The following FAM47E variants were observed in gnomAD, a reference collection of about 807,000 sequenced individuals.
FAM47E encodes the protein family with sequence similarity 47 member E.
In FAM47E, 32 loss-of-function variants were observed where a neutral mutation model predicts 41.6. That is an observed-to-expected ratio of 0.77 (90% confidence interval 0.58 to 1.03). FAM47E has a LOEUF of 1.03. Among genes scored for constraint, FAM47E ranks in the 50% least tolerant of loss-of-function variants. The probability of loss-of-function intolerance (pLI) is 0.00; values close to 1 mark genes in which losing one functional copy is unlikely to be tolerated. For synonymous variants in FAM47E, 184 were observed against 188.7 expected (o/e 0.98, Z 0.20); for missense variants, 424 against 485.4 (o/e 0.87, Z 1.19).
intron 3 of FAM47E, among the ~76,000 whole-genome samples, chr4:76,265,199 T>C (rs963787381): frequency 6.6e-6 from 1 of 152,236 alleles, no homozygotes; most frequent in African/African-American, 2.4e-5. Context: ...GAAGGGTAAC[T>C]GGACGTGCTT....
intron 5 of FAM47E, among the ~76,000 whole-genome samples, chr4:76,276,103 A>G (rs1735097165): frequency 6.6e-6 from 1 of 151,860 alleles, no homozygotes; most frequent in Non-Finnish European, 1.5e-5. Context: ...CTCCAGTACC[A>G]AATGTCAATA....
chr4:76,237,719 T>A (rs1176022746), intron 2 of FAM47E, among the ~76,000 whole-genome samples: 1 of 151,984 alleles, frequency 6.6e-6, no homozygotes, highest in African/African-American at 2.4e-5. Context: ...AAACTCACAG[T>A]CATGACAGAA....
At chr4:76,248,412 C>G (rs1043184138), upstream of FAM47E, among the ~76,000 whole-genome samples, 8 of 152,016 alleles carry the variant, frequency 5.3e-5, no homozygotes, top group African/African-American at 1.7e-4. Flanking sequence ...ATTTAGGTCT[C>G]TAAGCTGTTT....
chr4:76,273,592 C>T (rs1734980294), intron 5 of FAM47E, among the ~76,000 whole-genome samples: 1 of 151,970 alleles, frequency 6.6e-6, no homozygotes, highest in African/African-American at 2.4e-5. Flanking sequence ...TATCATAAAC[C>T]TTGGTGTATC....
chr4:76,277,032 G>C (rs1735147548), intron 5 of FAM47E, among the ~76,000 whole-genome samples: 1 of 152,206 alleles, frequency 6.6e-6, no homozygotes, highest in South Asian at 2.1e-4. Context: ...CCAAGAGTTA[G>C]ACTCCCTTTT....
At chr4:76,256,062 A>C in intron 1 of FAM47E, 116 bp from the exon 2 acceptor site, 1 of 1,201,300 alleles carries the variant, frequency 8.3e-7, no homozygotes, top group Non-Finnish European at 1.1e-6. Context: ...CCTACCCCCA[A>C]CCCTAAAAGC....
intron 2 of FAM47E, among the ~76,000 whole-genome samples, chr4:76,235,452 G>A (rs1320317243): frequency 1.3e-5 from 2 of 152,172 alleles, no homozygotes; most frequent in East Asian, 3.8e-4. Context: ...AGCCTCCTAT[G>A]CCAGGGACAG....
At chr4:76,254,642 A>T (rs1734112928) in intron 1 of FAM47E, among the ~76,000 whole-genome samples, 1 of 152,164 alleles carries the variant, frequency 6.6e-6, no homozygotes, top group Non-Finnish European at 1.5e-5. Flanking sequence ...GGAATCTCTT[A>T]AAAACACTTT....
intron 2 of FAM47E, among the ~76,000 whole-genome samples, chr4:76,228,255 A>T (rs960041359): frequency 6.6e-6 from 1 of 152,068 alleles, no homozygotes; most frequent in Non-Finnish European, 1.5e-5. Flanking sequence ...AGGGGGGTGC[A>T]GATCATTTGA....
intron 2 of FAM47E, among the ~76,000 whole-genome samples, chr4:76,220,130 C>A (rs966734870): frequency 2.0e-5 from 3 of 152,134 alleles, no homozygotes; most frequent in African/African-American, 7.2e-5. Flanking sequence ...ACAGAATTAT[C>A]ATATGACCTA....
chr4:76,274,288 G>A (rs1296712534), intron 5 of FAM47E, among the ~76,000 whole-genome samples: 1 of 152,164 alleles, frequency 6.6e-6, no homozygotes, highest in Non-Finnish European at 1.5e-5. Context: ...AAGATTTGTT[G>A]GGGTTGGGTG....
chr4:76,216,872 T>G (rs920145983), intron 1 of FAM47E, among the ~76,000 whole-genome samples: 27 of 152,246 alleles, frequency 1.8e-4, no homozygotes, highest in Non-Finnish European at 1.3e-4. Flanking sequence ...TTTAAGAAAA[T>G]AATGTATGTT....
At chr4:76,228,194 C>T (rs546888635) in intron 2 of FAM47E, among the ~76,000 whole-genome samples, 1 of 151,778 alleles carries the variant, frequency 6.6e-6, no homozygotes, top group South Asian at 2.1e-4. Flanking sequence ...ATTTAGAATC[C>T]CAGCTGGGCG....
chr4:76,224,486 C>CT (rs1356533664), intron 2 of FAM47E, among the ~76,000 whole-genome samples: 1 of 152,116 alleles, frequency 6.6e-6, no homozygotes, highest in Admixed American at 6.5e-5. Context: ...TGGCAGGAGA[C>CT]TTTTTTAAAG....
chr4:76,260,383 A>G lies in FAM47E; in HGVS notation c.421-3321A>G, dbSNP rs188896867. ...AAATATGCCTATAGATTAATGGAAC[A>G]GAATAGATAACCCAGAAATAAAGCC... On this transcript the variant is annotated intron_variant, in intron 2 of 7. Coordinates refer to ENST00000424749, the MANE Select transcript of FAM47E (RefSeq NM_001136570.3). Among the ~76,000 whole-genome samples, 8 of 152,318 alleles carry G rather than the reference A, an allele frequency of 5.3e-5. No homozygotes were observed. In the East Asian group the frequency reaches 1.3e-3, roughly 26 times the overall value.
At chr4:76,271,208 C>T (rs1339948083) in intron 4 of FAM47E, among the ~76,000 whole-genome samples, 1 of 152,228 alleles carries the variant, frequency 6.6e-6, no homozygotes, top group Non-Finnish European at 1.5e-5. Context: ...AGCTGTGAAC[C>T]TGGCAGCTTC....
intron 1 of FAM47E, 75 bp downstream of exon 1, chr4:76,251,895 T>TGGGGCG: frequency 7.4e-7 from 1 of 1,353,718 alleles, no homozygotes; most frequent in Non-Finnish European, 9.4e-7. Context: ...CCGCGCTTGC[T>TGGGGCG]GGGGCGGGGG....
intron 2 of FAM47E, among the ~76,000 whole-genome samples, chr4:76,237,039 G>A (rs1733599464): frequency 6.6e-6 from 1 of 151,662 alleles, no homozygotes; most frequent in Non-Finnish European, 1.5e-5. Context: ...GGGACTACAG[G>A]CGCCTGTCAC....
intron 2 of FAM47E, among the ~76,000 whole-genome samples, chr4:76,220,570 T>G (rs1733289827): frequency 1.3e-5 from 2 of 152,164 alleles, no homozygotes; most frequent in Admixed American, 6.5e-5. Context: ...AAGGCTGCAG[T>G]GAGCTGATTG....
Sources: allele counts gnomAD v4.1 joint callset (sites outside exome capture counted in the v4.1 genomes callset), GRCh38; gene constraint gnomAD v4.1.1; transcripts MANE v1.5; gene names NCBI Gene and HGNC (gene_info 2026-07-23, HGNC 2026-07-21).